TRHDE: variants seen among roughly 807,000 people sequenced by gnomAD.
TRHDE encodes thyrotropin releasing hormone degrading enzyme.
A neutral mutation model predicts 125.7 loss-of-function variants in TRHDE; 72 were observed. The ratio of observed to expected loss-of-function variants is 0.57; its 90% CI spans 0.47 to 0.70. The LOEUF (loss-of-function observed/expected upper bound fraction) is 0.70, where lower values mean the gene tolerates loss of function less well. TRHDE is among the 30% of genes least tolerant of loss of function. The pLI is 0.00. For synonymous variants in TRHDE, 509 were observed against 509.1 expected, an observed-to-expected ratio of 1.00 and a Z score of 0.00; for missense variants, 1,110 against 1,327.1, an observed-to-expected ratio of 0.84 and a Z score of 2.54.
At chr12:72,535,393 T>C (rs913261470) in intron 6 of TRHDE, among the ~76,000 whole-genome samples, 9 of 152,080 alleles carry the variant, frequency 5.9e-5, no homozygotes, top group Non-Finnish European at 1.2e-4. Flanking sequence ...TGGGGTTGTC[T>C]CTAGGAGACA....
intron 5 of TRHDE, among the ~76,000 whole-genome samples, chr12:72,485,912 G>C (rs1045820195): frequency 6.6e-6 from 1 of 152,082 alleles, no homozygotes; most frequent in Admixed American, 6.6e-5. Flanking sequence ...AGCCGTATTG[G>C]CATCTTGCTA....
chr12:72,411,444 A>G (rs1376676976), intron 3 of TRHDE, among the ~76,000 whole-genome samples: 2 of 152,194 alleles, frequency 1.3e-5, no homozygotes, highest in African/African-American at 2.4e-5. Context: ...ACAAAGATGT[A>G]TAAGAATTCT....
intron 3 of TRHDE, among the ~76,000 whole-genome samples, chr12:72,421,639 G>A (rs1328230250): frequency 2.6e-5 from 4 of 152,178 alleles, no homozygotes; most frequent in Non-Finnish European, 2.9e-5. Context: ...AAATCATGTC[G>A]TAAAAGACCT....
At chr12:72,583,008 G>C (rs1291176577) in intron 12 of TRHDE, among the ~76,000 whole-genome samples, 1 of 151,986 alleles carries the variant, frequency 6.6e-6, no homozygotes, top group East Asian at 1.9e-4. Context: ...AATAATAATA[G>C]AACATTGATT....
At chr12:72,567,034 A>G (rs900800291) in intron 9 of TRHDE, among the ~76,000 whole-genome samples, 11 of 151,968 alleles carry the variant, frequency 7.2e-5, no homozygotes, top group African/African-American at 2.7e-4. Context: ...CCAATTAACC[A>G]AGAGAGACCC....
intron 2 of TRHDE, among the ~76,000 whole-genome samples, chr12:72,175,979 G>T (rs1489923643): frequency 6.6e-6 from 1 of 152,174 alleles, no homozygotes; most frequent in African/African-American, 2.4e-5. Context: ...AGAAGAGGCA[G>T]AATTGGTCTG....
intron 3 of TRHDE, among the ~76,000 whole-genome samples, chr12:72,453,554 C>T (rs770096217): frequency 1.2e-4 from 18 of 152,122 alleles, no homozygotes; most frequent in East Asian, 1.9e-4. Flanking sequence ...TTCAAGCTGA[C>T]GGCTGAGCAA....
intron 3 of TRHDE, among the ~76,000 whole-genome samples, chr12:72,414,158 G>A (rs1430678376): frequency 6.6e-6 from 1 of 152,054 alleles, no homozygotes; most frequent in East Asian, 1.9e-4. Flanking sequence ...GAGGATACAT[G>A]CTGACAGAAA....
intron 2 of TRHDE, among the ~76,000 whole-genome samples, chr12:72,326,038 G>A (rs577910887): frequency 2.6e-4 from 39 of 152,196 alleles, no homozygotes; most frequent in Non-Finnish European, 4.7e-4. Flanking sequence ...AACAAACTGC[G>A]TAGAGACAGA....
At chr12:72,622,740 A>G (rs1321481483) in intron 15 of TRHDE, among the ~76,000 whole-genome samples, 1 of 152,054 alleles carries the variant, frequency 6.6e-6, no homozygotes. Flanking sequence ...TTAGGTTTAG[A>G]TTTAATATCT....
At chr12:72,360,746 C>A (rs770402867) in intron 2 of TRHDE, among the ~76,000 whole-genome samples, 1 of 151,566 alleles carries the variant, frequency 6.6e-6, no homozygotes, top group African/African-American at 2.4e-5. Context: ...TACTTCATGA[C>A]CATGGGTAAT....
At chr12:72,617,665 C>A (rs1872876522) in intron 12 of TRHDE, among the ~76,000 whole-genome samples, 1 of 152,086 alleles carries the variant, frequency 6.6e-6, no homozygotes, top group Admixed American at 6.6e-5. Context: ...TAACAAAATA[C>A]CTTACACTGG....
intron 5 of TRHDE, among the ~76,000 whole-genome samples, chr12:72,478,758 T>C (rs1179345135): frequency 6.6e-6 from 1 of 152,084 alleles, no homozygotes; most frequent in African/African-American, 2.4e-5. Flanking sequence ...ACTGAGTATA[T>C]GCTTGAGGAA....
rs1723257625 is a variant in TRHDE, at chr12:72,562,762, A to G, written c.1855-91A>G. ...CTTTAAATGTTTTCATATTTAGGTA[A>G]ATAGTAAAAATAGAAATAAAAATGT... On this transcript the variant is annotated intron_variant, in intron 8 of 18. Transcript: ENST00000261180. 7.4e-6 allele frequency: 6 copies of G among 806,316 alleles called. No homozygotes were observed. In the Admixed American group the frequency reaches 1.9e-4, roughly 25 times the overall value. 49.9% of individuals were successfully genotyped at this position (806,316 alleles called of 1,614,324 possible).
chr12:72,383,800 A>G (rs960984831), intron 3 of TRHDE, among the ~76,000 whole-genome samples: 1 of 151,922 alleles, frequency 6.6e-6, no homozygotes, highest in African/African-American at 2.4e-5. Context: ...CACAGCAGAA[A>G]ACATAGATTT....
At position 72,272,763 on chromosome 12, in the gene TRHDE, A is replaced by T. The variant is rs7294488; in HGVS notation, c.120A>T (p.Ser40=). 6.6e-4 allele frequency: 1,015 copies of T among 1,536,638 alleles called. 5 individuals carry two copies. The African/African-American group carries it at 0.01, about 16-fold the overall frequency. The change falls in exon 1 of 19, where the codon TCA becomes TCT. Residue 40 remains serine (S), a synonymous_variant. Coordinates refer to ENST00000261180, the MANE Select transcript of TRHDE (RefSeq NM_013381.3). This position sits in a 1 kb window ranked among gnomAD's most constrained non-coding sequence, Gnocchi z 6.7. ...AGGAGGGGGCCGAGAAGAGCAGCTC[A>T]CCCTTCGCAGCCGCGATGGGGGAAG... ...EEEEGAEKSS[S]PFAAAMGEDD... is the part of the protein sequence containing the mutation.
At chr12:72,337,476 T>C (rs563399558) in intron 2 of TRHDE, among the ~76,000 whole-genome samples, 6 of 152,294 alleles carry the variant, frequency 3.9e-5, no homozygotes, top group East Asian at 1.9e-4. Flanking sequence ...TTAGACCTTC[T>C]TCAGAGACAG....
chr12:72,494,029 C>T (rs1016081713), intron 5 of TRHDE, among the ~76,000 whole-genome samples: 1 of 151,992 alleles, frequency 6.6e-6, no homozygotes, highest in Non-Finnish European at 1.5e-5. Context: ...GTCTTTGTAT[C>T]TTTCTTATCC....
intron 3 of TRHDE, among the ~76,000 whole-genome samples, chr12:72,463,942 G>T (rs1474067650): frequency 6.6e-6 from 1 of 152,148 alleles, no homozygotes; most frequent in Non-Finnish European, 1.5e-5. Flanking sequence ...CTTTTGCAAA[G>T]TTGTGAGGTT....
Sources: allele counts gnomAD v4.1 joint callset (sites outside exome capture counted in the v4.1 genomes callset), GRCh38; gene constraint gnomAD v4.1.1; non-coding constraint Gnocchi (gnomAD v3.1); transcripts MANE v1.5; gene names NCBI Gene and HGNC (gene_info 2026-07-23, HGNC 2026-07-21).